Variants in B3GAT3 observed in about 807,000 individuals in gnomAD.
B3GAT3 encodes the protein galactosylgalactosylxylosylprotein 3-beta-glucuronosyltransferase 3.
A neutral mutation model predicts 33.1 loss-of-function variants in B3GAT3; 19 were observed. The ratio of observed to expected loss-of-function variants is 0.57; its 90% CI spans 0.40 to 0.84. The LOEUF (loss-of-function observed/expected upper bound fraction) is 0.84. Ranked by LOEUF, B3GAT3 falls within the 40% of genes least tolerant of loss-of-function variation. B3GAT3 has a pLI of 0.00. For synonymous variants in B3GAT3, 167 were observed against 193.5 expected (o/e 0.86, Z 1.14); for missense variants, 344 against 441.5 (o/e 0.78, Z 1.98).
At chr11:62,618,199 AAAAAACAAATT>A (rs1590776907) in intron 2 of B3GAT3, among the ~76,000 whole-genome samples, 1 of 151,264 alleles carries the variant, frequency 6.6e-6, no homozygotes, top group East Asian at 1.9e-4. Context: ...AAAAAAAAAA[AAAAAACAAATT>A]AAGGGCACAG....
chr11:62,618,523 G>A lies in B3GAT3; in HGVS notation c.258-1176C>T, dbSNP rs1201801182. Among the ~76,000 whole-genome samples, 3 of 151,224 alleles carry A rather than the reference G, an allele frequency of 2.0e-5. No individual in the cohort carries two copies. In the South Asian group the frequency reaches 6.3e-4, roughly 32 times the overall value. ...TAAAAATATAAAAAATTAGCTGGGTGTGGTGGCGGGCACCTGTAGTCCCAG... is the reference window on the plus strand; with the variant it reads ...TAAAAATATAAAAAATTAGCTGGGTATGGTGGCGGGCACCTGTAGTCCCAG... On this transcript the variant is annotated intron_variant, in intron 2 of 4. Coordinates refer to ENST00000265471, the MANE Select transcript of B3GAT3 (RefSeq NM_012200.4).
At chr11:62,619,467 G>A (rs1048195759) in intron 2 of B3GAT3, among the ~76,000 whole-genome samples, 7 of 151,938 alleles carry the variant, frequency 4.6e-5, no homozygotes, top group Non-Finnish European at 7.4e-5. Flanking sequence ...TACAGTGCCT[G>A]CTAGAGAGTA....
intron 2 of B3GAT3, among the ~76,000 whole-genome samples, chr11:62,619,352 T>G (rs1943097664): frequency 6.6e-6 from 1 of 152,118 alleles, no homozygotes; most frequent in Non-Finnish European, 1.5e-5. Flanking sequence ...AGAAGATGTA[T>G]TAACACCCTT....
intron 2 of B3GAT3, 58 bp from the exon 3 acceptor site, chr11:62,617,405 C>A (rs1376304952): frequency 2.5e-6 from 4 of 1,599,786 alleles, no homozygotes; most frequent in Non-Finnish European, 3.4e-6. Context: ...CCTGCTCCAG[C>A]CAGGGCAGAC....
intron 2 of B3GAT3, among the ~76,000 whole-genome samples, chr11:62,618,356 A>G (rs1943075469): frequency 6.6e-6 from 1 of 152,036 alleles, no homozygotes; most frequent in Admixed American, 6.5e-5. Flanking sequence ...ACTTTATAAC[A>G]ATGTTGTTTT....
Position 62,616,994 on chromosome 11 carries a change from A to G in B3GAT3, c.611T>C (p.Phe204Ser), listed in dbSNP as rs1128967. The G allele has an allele frequency of 1.2e-6, 2 of 1,614,100 alleles. No individual in the cohort carries two copies. The highest frequency in any genetic ancestry group is 8.5e-7 in the Non-Finnish European group (1 of 1,180,006). The change falls in exon 3 of 5, where the codon TTT becomes TCT. Residue 204 changes from phenylalanine to serine, a missense_variant. By Grantham distance (155) the Phe-to-Ser change is radical. Transcript: ENST00000265471. ...DDDNTYSREL[F>S]EEMRWTRGVS... ...CCCCATCCTGGTGCTCACCTCCTCAAACAGCTCCCGGCTGTAGGTGTTGTC... is the reference window on the plus strand; with the variant it reads ...CCCCATCCTGGTGCTCACCTCCTCAGACAGCTCCCGGCTGTAGGTGTTGTC...
intron 1 of B3GAT3, 51 bp downstream of exon 1, chr11:62,621,815 C>T: frequency 2.2e-6 from 3 of 1,381,778 alleles, no homozygotes; most frequent in African/African-American, 3.1e-5. Flanking sequence ...GGATGCACGG[C>T]GGCGGGCGCC....
chr11:62,620,634 T>A lies in B3GAT3; in HGVS notation c.120A>T (p.Ala40=). ...PCDCLPPLRA[A]AEQLRQKDLR... Reference sequence around the variant, plus strand: ...GATCCTTCTGCCGTAGCTGCTCGGCTGCTGCCCGCAGGGGAGGAAGGCAGT... The same window carrying A: ...GATCCTTCTGCCGTAGCTGCTCGGCAGCTGCCCGCAGGGGAGGAAGGCAGT... The change falls in exon 2 of 5, where the codon GCA becomes GCT. Residue 40 remains alanine (A), a synonymous_variant. Coordinates refer to ENST00000265471, the MANE Select transcript of B3GAT3 (RefSeq NM_012200.4). 1 of 1,612,544 alleles carries A rather than the reference T, an allele frequency of 6.2e-7. No homozygotes were observed. Among genetic ancestry groups the A allele is most frequent in the Non-Finnish European group, 8.5e-7 (1 of 1,179,080 alleles).
At position 62,620,578 on chromosome 11, in the gene B3GAT3, C is replaced by G; in HGVS notation, c.176G>C (p.Arg59Pro). ...CTGGGCAGGGGCAGGGGGTGGCCGT[C>G]GGAGTTCCGCTTGCAGCTGGGAAAT... ...LRISQLQAEL[R>P]RPPPAPAQPP... Residue 59 changes from arginine to proline, a missense_variant, in exon 2 of 5, where the codon CGA becomes CCA. Physicochemically the swap from Arg to Pro is moderately radical, Grantham distance 103. Coordinates refer to ENST00000265471, the MANE Select transcript of B3GAT3 (RefSeq NM_012200.4). 1 of 1,612,416 alleles carries G rather than the reference C, an allele frequency of 6.2e-7. No individual in the cohort carries two copies.
At position 62,616,593 on chromosome 11, in the gene B3GAT3, G is replaced by A. The variant is rs376057557; in HGVS notation, c.822C>T (p.Thr274=). 2.0e-5 allele frequency: 33 copies of A among 1,614,198 alleles called. No individual in the cohort carries two copies. The highest frequency in any genetic ancestry group is 1.3e-4 in the East Asian group (6 of 44,880). ...TGCTCTCCAGGTGGCCCCGGGGAGC[G>A]GTGGAATCAAATTGGGCATTGGGCT... The part of the protein sequence containing the change: ...LDKPNAQFDS[T]APRGHLESSL... The change falls in exon 4 of 5, where the codon ACC becomes ACT. Residue 274 remains threonine (T), a synonymous_variant. Coordinates refer to ENST00000265471, the MANE Select transcript of B3GAT3 (RefSeq NM_012200.4).
intron 2 of B3GAT3, among the ~76,000 whole-genome samples, chr11:62,620,270 G>C (rs951838474): frequency 6.6e-6 from 1 of 152,166 alleles, no homozygotes; most frequent in Non-Finnish European, 1.5e-5. Flanking sequence ...TGATCCACCC[G>C]CCTCGGCCTC....
chr11:62,616,031 C>G, intron 4 of B3GAT3: 1 of 1,315,572 alleles, frequency 7.6e-7, no homozygotes, highest in Non-Finnish European at 1.0e-6. Context: ...ATCACGAGGT[C>G]AGGAGATTGA....
At chr11:62,615,897 C>T in intron 4 of B3GAT3, 98 bp from the exon 5 acceptor site, 1 of 1,549,496 alleles carries the variant, frequency 6.5e-7, no homozygotes, top group South Asian at 1.2e-5. Flanking sequence ...TCGACATATA[C>T]AGTATAGGCT....
At chr11:62,617,541 C>G (rs780085347) in intron 2 of B3GAT3, 194 bp from the exon 3 acceptor site, 20 of 724,278 alleles carry the variant, frequency 2.8e-5, no homozygotes, top group Non-Finnish European at 3.5e-5. Context: ...CCATGTCCAT[C>G]ACCCACCTCA....
At chr11:62,621,070 T>A (rs1943134845) in intron 1 of B3GAT3, 1 of 470,038 alleles carries the variant, frequency 2.1e-6, no homozygotes, top group African/African-American at 2.0e-5. Flanking sequence ...GATAACGCAG[T>A]GGCACTGTCC....
At position 62,619,699 on chromosome 11, in the gene B3GAT3, C is replaced by CTT. The variant is rs5792264; in HGVS notation, c.257+796_257+797dup. ...GGCATGCACCATCACGCCTAGCTAA[C>CTT]TTTTTTTTTTTTTTTTTTTTTTTTT... On this transcript the variant is annotated intron_variant, in intron 2 of 4. Coordinates refer to ENST00000265471, the MANE Select transcript of B3GAT3 (RefSeq NM_012200.4). Among the ~76,000 whole-genome samples, 5 of 85,712 alleles carry CTT rather than the reference C, an allele frequency of 5.8e-5. 1 individual carries two copies. The highest frequency in any genetic ancestry group is 3.3e-4 in the Admixed American group (2 of 6,116). 56.2% of individuals were successfully genotyped at this position (85,712 alleles called of 152,430 possible).
rs762351057 is a variant in B3GAT3, at chr11:62,621,891, G to A, written c.57C>T (p.Gly19=). 1.9e-5 allele frequency: 31 copies of A among 1,612,760 alleles called. No homozygotes were observed. Among genetic ancestry groups the A allele is most frequent in the Non-Finnish European group, 2.5e-5 (30 of 1,179,348 alleles). Residue 19 remains glycine (G), a synonymous_variant, in exon 1 of 5, where the codon GGC becomes GGT. Coordinates refer to ENST00000265471, the MANE Select transcript of B3GAT3 (RefSeq NM_012200.4). The stretch of plus-strand genomic sequence containing the variant: ...CGAGCTGTACCAGCGCGTAGAGGAG[G>A]CCGGCGATCGACACCAGGAAGTAGG... ...FLAYFLVSIA[G]LLYALVQLGQ...
At position 62,620,580 on chromosome 11, in the gene B3GAT3, G is replaced by A. The variant is rs755584372; in HGVS notation, c.174C>T (p.Leu58=). 1 of 1,612,634 alleles carries A rather than the reference G, an allele frequency of 6.2e-7. No homozygotes were observed. The highest frequency in any genetic ancestry group is 8.5e-7 in the Non-Finnish European group (1 of 1,179,400). ...GGGCAGGGGCAGGGGGTGGCCGTCGGAGTTCCGCTTGCAGCTGGGAAATCC... is the reference window on the plus strand; with the variant it reads ...GGGCAGGGGCAGGGGGTGGCCGTCGAAGTTCCGCTTGCAGCTGGGAAATCC... ...DLRISQLQAE[L]RRPPPAPAQP... Residue 58 remains leucine, a synonymous_variant, in exon 2 of 5, where the codon CTC becomes CTT. Coordinates refer to ENST00000265471, the MANE Select transcript of B3GAT3 (RefSeq NM_012200.4).
chr11:62,615,371 C>T lies in B3GAT3; in HGVS notation c.*330G>A. 6.2e-6 allele frequency: 3 copies of T among 483,184 alleles called. No homozygotes were observed. The highest frequency in any genetic ancestry group is 1.1e-5 in the Non-Finnish European group (3 of 263,188). The allele number at this position is 483,184 out of a possible 1,614,324, so 29.9% of individuals were successfully genotyped here. A position where few individuals can be genotyped will look rare whatever the true frequency, so the allele number is the denominator to read the frequency against. On this transcript the variant is annotated 3_prime_UTR_variant, in exon 5 of 5. Coordinates refer to ENST00000265471, the MANE Select transcript of B3GAT3 (RefSeq NM_012200.4). Reference sequence around the variant, plus strand: ...AGGTGGGAAGGGTCCAGCCCAGCTCCTCCAGCCCCCCAGTGCATGCCCAGC... The same window carrying T: ...AGGTGGGAAGGGTCCAGCCCAGCTCTTCCAGCCCCCCAGTGCATGCCCAGC...
Sources: gnomAD v4.1 joint callset for allele counts (sites outside exome capture counted in the v4.1 genomes callset) on GRCh38, gnomAD v4.1.1 for gene constraint, MANE v1.5 for transcripts, NCBI Gene and HGNC (gene_info 2026-07-23, HGNC 2026-07-21) for gene names.